CENPP: variants seen among roughly 807,000 people sequenced by gnomAD.
The protein encoded by CENPP is centromere protein P.
CENPP carries 24 observed loss-of-function variants against 35.6 expected under a neutral mutation model. That is an observed-to-expected ratio of 0.67 (90% confidence interval 0.49 to 0.95). CENPP has a LOEUF of 0.95. CENPP is among the 40% of genes least tolerant of loss of function. The pLI is 0.00. For missense variants in CENPP, 332 were observed against 345.3 expected (o/e 0.96, Z 0.31); for synonymous variants, 120 against 125.5 (o/e 0.96, Z 0.29).
At chr9:92,396,756 A>G (rs2130914275) in intron 5 of CENPP, among the ~76,000 whole-genome samples, 1 of 152,010 alleles carries the variant, frequency 6.6e-6, no homozygotes, top group East Asian at 1.9e-4. Context: ...TTTTGTAGAG[A>G]CATGGTGTCA....
chr9:92,573,689 C>A (rs1378363863), intron 5 of CENPP, among the ~76,000 whole-genome samples: 1 of 152,212 alleles, frequency 6.6e-6, no homozygotes, highest in East Asian at 1.9e-4. Flanking sequence ...CTATGCCCTG[C>A]CCCGAGAGGT....
chr9:92,404,554 A>C (rs762122029), intron 5 of CENPP: 6 of 1,297,950 alleles, frequency 4.6e-6, no homozygotes. Context: ...ATGTCTGTGC[A>C]TTAGCCCCAA....
At chr9:92,464,766 C>T (rs1404090868) in intron 5 of CENPP, 7 of 720,014 alleles carry the variant, frequency 9.7e-6, no homozygotes, top group African/African-American at 7.0e-5. Flanking sequence ...CTACATATGG[C>T]ATTTTATGTG....
intron 5 of CENPP, among the ~76,000 whole-genome samples, chr9:92,463,332 A>G (rs1011811610): frequency 2.6e-5 from 4 of 152,202 alleles, no homozygotes; most frequent in Non-Finnish European, 5.9e-5. Context: ...CAGCTTTCAC[A>G]GGTTAGTGAA....
intron 5 of CENPP, among the ~76,000 whole-genome samples, chr9:92,533,323 AAAAAAATATATATATATATATAT>A (rs1848950612): frequency 1.0e-5 from 1 of 99,106 alleles, no homozygotes; most frequent in African/African-American, 3.9e-5. Context: ...AAAAAAAAAA[AAAAAAATATATATATATATATAT>A]ATATATATAT....
intron 5 of CENPP, among the ~76,000 whole-genome samples, chr9:92,600,743 C>G (rs1391186669): frequency 2.6e-5 from 4 of 152,206 alleles, no homozygotes; most frequent in Non-Finnish European, 5.9e-5. Flanking sequence ...AATAGAGAGG[C>G]TTTTCTGGTT....
At chr9:92,420,767 T>TA (rs1173940593) in intron 5 of CENPP, among the ~76,000 whole-genome samples, 1 of 152,194 alleles carries the variant, frequency 6.6e-6, no homozygotes, top group East Asian at 1.9e-4. Flanking sequence ...GTTTTTTTTT[T>TA]AACAATATGT....
intron 5 of CENPP, among the ~76,000 whole-genome samples, chr9:92,544,845 A>G (rs1163952790): frequency 6.6e-6 from 1 of 151,128 alleles, no homozygotes; most frequent in Non-Finnish European, 1.5e-5. Context: ...CCTCCCCAGT[A>G]GCTGGGAGTA....
At chr9:92,398,609 T>C (rs1446848559) in intron 5 of CENPP, among the ~76,000 whole-genome samples, 2 of 152,198 alleles carry the variant, frequency 1.3e-5, no homozygotes, top group Non-Finnish European at 2.9e-5. Context: ...ATCTTCCTCA[T>C]TCATTTTTAC....
At chr9:92,402,787 A>C (rs137862261) in intron 5 of CENPP, among the ~76,000 whole-genome samples, 70 of 152,330 alleles carry the variant, frequency 4.6e-4, no homozygotes, top group African/African-American at 1.6e-3. Context: ...TTGATATCAA[A>C]ATAACCAGTA....
At position 92,602,344 on chromosome 9, in the gene CENPP, T is replaced by C. The variant is rs754372284; in HGVS notation, c.565-8970T>C. Among the ~76,000 whole-genome samples the C allele has an allele frequency of 5.8e-4, 88 of 152,264 alleles. 1 individual carries two copies. The highest frequency in any genetic ancestry group is 8.2e-4 in the Non-Finnish European group (56 of 68,004). Reference sequence around the variant, plus strand: ...CCACCTTTTGGGACCCTCACTGTCGTTGGTGTTGCCATGAGCCATCATAGG... The same window carrying C: ...CCACCTTTTGGGACCCTCACTGTCGCTGGTGTTGCCATGAGCCATCATAGG... On this transcript the variant is annotated intron_variant, in intron 5 of 7. Coordinates refer to ENST00000375587, the MANE Select transcript of CENPP (RefSeq NM_001012267.3).
intron 5 of CENPP, among the ~76,000 whole-genome samples, chr9:92,446,570 TAA>T (rs1233396657): frequency 3.9e-5 from 6 of 152,168 alleles, no homozygotes; most frequent in African/African-American, 7.2e-5. Context: ...ATATAGCAGA[TAA>T]AAACACATTG....
chr9:92,502,320 G>A (rs1175896376), intron 5 of CENPP, among the ~76,000 whole-genome samples: 3 of 152,176 alleles, frequency 2.0e-5, no homozygotes, highest in Non-Finnish European at 2.9e-5. Context: ...GTCATGCAGC[G>A]CACAGGTTGG....
At chr9:92,545,670 C>T (rs1300139408) in intron 5 of CENPP, among the ~76,000 whole-genome samples, 1 of 152,230 alleles carries the variant, frequency 6.6e-6, no homozygotes, top group Non-Finnish European at 1.5e-5. Context: ...CCACCTGCAG[C>T]CTGGTGCGGG....
At chr9:92,609,588 G>T (rs562885896) in intron 5 of CENPP, among the ~76,000 whole-genome samples, 11 of 152,322 alleles carry the variant, frequency 7.2e-5, no homozygotes, top group African/African-American at 2.6e-4. Flanking sequence ...TATATCAGTC[G>T]CTGTGAGAGG....
chr9:92,392,937 G>T, intron 5 of CENPP: 1 of 604,864 alleles, frequency 1.7e-6, no homozygotes, highest in Non-Finnish European at 2.8e-6. Flanking sequence ...ACCAACAAAT[G>T]AATGGACTTT....
chr9:92,496,132 A>G, intron 5 of CENPP: 1 of 1,243,692 alleles, frequency 8.0e-7, no homozygotes, highest in Non-Finnish European at 1.0e-6. Context: ...CTATTAATAA[A>G]ACTCCTAGAG....
chr9:92,501,067 A>G (rs752007103), intron 5 of CENPP: 2 of 1,608,920 alleles, frequency 1.2e-6, no homozygotes, highest in South Asian at 1.1e-5. Context: ...CAGCAAAGAA[A>G]AAAGTAAACA....
intron 5 of CENPP, chr9:92,460,681 CT>C: frequency 8.1e-6 from 5 of 618,350 alleles, no homozygotes; most frequent in Non-Finnish European, 8.4e-6. Context: ...GGCACTAACT[CT>C]TTTTTTTCTT....
Sources: allele counts gnomAD v4.1 joint callset (sites outside exome capture counted in the v4.1 genomes callset), GRCh38; gene constraint gnomAD v4.1.1; transcripts MANE v1.5; gene names NCBI Gene and HGNC (gene_info 2026-07-23, HGNC 2026-07-21).